Variants in TMEM108 observed in about 807,000 individuals in gnomAD.
The protein encoded by TMEM108 is cancer/testis antigen 124.
Under a neutral mutation model 35.1 loss-of-function variants are expected in TMEM108, and 12 were observed. The observed-to-expected ratio is 0.34, with a 90% CI of 0.22 to 0.55. The LOEUF is 0.55. Among genes scored for constraint, TMEM108 ranks in the 20% least tolerant of loss-of-function variants. The probability of loss-of-function intolerance (pLI) is 0.89; values close to 1 mark genes in which losing one functional copy is unlikely to be tolerated. For synonymous variants in TMEM108, 287 were observed against 308.6 expected (o/e 0.93, Z 0.73); for missense variants, 680 against 753.3 (o/e 0.90, Z 1.14).
At chr3:133,387,877 G>A (rs2073176414) in intron 4 of TMEM108, 5 of 985,462 alleles carry the variant, frequency 5.1e-6, no homozygotes, top group Non-Finnish European at 6.0e-6. Flanking sequence ...GATGGCATCT[G>A]TCACTTTGAT....
At chr3:133,297,821 C>T (rs562168757) in intron 3 of TMEM108, among the ~76,000 whole-genome samples, 48 of 152,222 alleles carry the variant, frequency 3.2e-4, no homozygotes, top group African/African-American at 1.1e-3. Flanking sequence ...CCCCTCCAGG[C>T]GAAAGCTGAT....
At position 133,074,039 on chromosome 3, in the gene TMEM108, C is replaced by A. The variant is rs1176053776; in HGVS notation, c.-47+28019C>A. 3.3e-5 allele frequency among the ~76,000 whole-genome samples: 5 copies of A among 152,058 alleles called. No homozygotes were observed. The East Asian group carries it at 7.7e-4, about 23-fold the overall frequency. On this transcript the variant is annotated intron_variant, in intron 2 of 5. Transcript: ENST00000321871. ...ATTGAGATTCATAGAGATTAGTCAA[C>A]TTTTCCCAAGTAATATAATTAAAAA...
chr3:133,136,744 G>T (rs1270089065), intron 2 of TMEM108, among the ~76,000 whole-genome samples: 1 of 152,168 alleles, frequency 6.6e-6, no homozygotes, highest in African/African-American at 2.4e-5. Context: ...CAGAGGAAAG[G>T]GAGCTGGTCA....
intron 2 of TMEM108, among the ~76,000 whole-genome samples, chr3:133,164,090 CAGT>C (rs1945000468): frequency 6.6e-6 from 1 of 152,192 alleles, no homozygotes; most frequent in African/African-American, 2.4e-5. Flanking sequence ...TCTTTGTAAG[CAGT>C]AGAATTGGAC....
chr3:133,113,558 A>G (rs1028578581), intron 2 of TMEM108, among the ~76,000 whole-genome samples: 1 of 152,206 alleles, frequency 6.6e-6, no homozygotes, highest in Non-Finnish European at 1.5e-5. Context: ...TAAGAAACAT[A>G]AACATGTAAA....
At chr3:133,172,751 T>C (rs1945148663) in intron 2 of TMEM108, among the ~76,000 whole-genome samples, 1 of 152,236 alleles carries the variant, frequency 6.6e-6, no homozygotes, top group African/African-American at 2.4e-5. Flanking sequence ...CCAATTGATA[T>C]GGTTTGGCTG....
chr3:133,347,049 G>C (rs146752704), intron 3 of TMEM108, among the ~76,000 whole-genome samples: 1 of 151,936 alleles, frequency 6.6e-6, no homozygotes. Flanking sequence ...AACCTTTATC[G>C]TAAGTCTTGA....
chr3:133,263,270 A>G (rs1254291307), intron 3 of TMEM108, among the ~76,000 whole-genome samples: 1 of 152,258 alleles, frequency 6.6e-6, no homozygotes, highest in Non-Finnish European at 1.5e-5. Flanking sequence ...CATTTTCTGC[A>G]TAAGCAAGTA....
At chr3:133,057,742 C>T (rs528644500) in intron 2 of TMEM108, among the ~76,000 whole-genome samples, 35 of 151,948 alleles carry the variant, frequency 2.3e-4, no homozygotes, top group Admixed American at 3.9e-4. Flanking sequence ...ATACCCTTTT[C>T]GAGAAAAATT....
chr3:133,151,033 T>A (rs968139040), intron 2 of TMEM108, among the ~76,000 whole-genome samples: 1 of 152,194 alleles, frequency 6.6e-6, no homozygotes, highest in Non-Finnish European at 1.5e-5. Flanking sequence ...TCGTGGCCTG[T>A]GTACCTGCTA....
chr3:133,265,618 T>C (rs1031382759), intron 3 of TMEM108, among the ~76,000 whole-genome samples: 2 of 152,090 alleles, frequency 1.3e-5, no homozygotes, highest in African/African-American at 4.8e-5. Context: ...AATCCCAAGT[T>C]TGGACTTCCA....
At chr3:133,045,789 C>T (rs952369386) in intron 1 of TMEM108, 113 bp from the exon 2 acceptor site, 1 of 152,536 alleles carries the variant, frequency 6.6e-6, no homozygotes, top group Non-Finnish European at 1.5e-5. Context: ...TGAACTTGAG[C>T]TATTATACAT....
At chr3:133,191,359 T>C (rs1249832919) in intron 2 of TMEM108, among the ~76,000 whole-genome samples, 1 of 152,214 alleles carries the variant, frequency 6.6e-6, no homozygotes, top group Non-Finnish European at 1.5e-5. Context: ...TCACCTATGT[T>C]AGTATGAAAT....
At chr3:133,183,277 A>T (rs1945373885) in intron 2 of TMEM108, among the ~76,000 whole-genome samples, 3 of 152,244 alleles carry the variant, frequency 2.0e-5, no homozygotes. Context: ...TTTCATAAAT[A>T]TGAAACCAAT....
intron 2 of TMEM108, among the ~76,000 whole-genome samples, chr3:133,137,851 A>C (rs752878956): frequency 9.2e-5 from 14 of 152,148 alleles, no homozygotes; most frequent in African/African-American, 1.4e-4. Flanking sequence ...TGCCCATCCA[A>C]AGTGGCTTCC....
chr3:133,111,957 A>T (rs948363653), intron 2 of TMEM108, among the ~76,000 whole-genome samples: 1 of 152,180 alleles, frequency 6.6e-6, no homozygotes, highest in African/African-American at 2.4e-5. Flanking sequence ...GTCTGTATTG[A>T]CACTTTCATC....
intron 2 of TMEM108, among the ~76,000 whole-genome samples, chr3:133,129,348 ACCC>A (rs61441972): frequency 6.9e-5 from 7 of 101,800 alleles, no homozygotes; most frequent in Admixed American, 3.2e-4. Flanking sequence ...CCGCACCCAC[ACCC>A]CCCCCCCCAA....
At chr3:133,276,770 A>G (rs889414912) in intron 3 of TMEM108, among the ~76,000 whole-genome samples, 6 of 152,322 alleles carry the variant, frequency 3.9e-5, no homozygotes, top group Admixed American at 3.9e-4. Context: ...TTTAAGAACC[A>G]TCTGGCTCAC....
chr3:133,357,054 G>T (rs2072194055), intron 3 of TMEM108, among the ~76,000 whole-genome samples: 1 of 152,060 alleles, frequency 6.6e-6, no homozygotes, highest in Non-Finnish European at 1.5e-5. Flanking sequence ...CACAGGACTA[G>T]TATCCAGAAT....
Sources: allele counts gnomAD v4.1 joint callset (sites outside exome capture counted in the v4.1 genomes callset), GRCh38; gene constraint gnomAD v4.1.1; transcripts MANE v1.5; gene names NCBI Gene and HGNC (gene_info 2026-07-23, HGNC 2026-07-21).